Variants in PUS10 observed in about 807,000 individuals in gnomAD.
PUS10 encodes the protein pseudouridine synthase 10.
In PUS10, 59 loss-of-function variants were observed where a neutral mutation model predicts 75.0. The ratio of observed to expected loss-of-function variants is 0.79; its 90% CI spans 0.64 to 0.98. PUS10 has a LOEUF of 0.98. PUS10 is among the 50% of genes least tolerant of loss of function. The pLI is 0.00. For missense variants in PUS10, 650 were observed against 614.4 expected (o/e 1.06, Z -0.61); for synonymous variants, 219 against 211.6 (o/e 1.03, Z -0.30).
At chr2:60,973,144 G>A (rs576760879) in intron 4 of PUS10, among the ~76,000 whole-genome samples, 2 of 152,302 alleles carry the variant, frequency 1.3e-5, no homozygotes, top group African/African-American at 2.4e-5. Context: ...CCTCAACCTC[G>A]CTCCCCATCA....
intron 12 of PUS10, 129 bp from the exon 13 acceptor site, chr2:60,954,287 T>G (rs1010008678): frequency 2.7e-6 from 2 of 750,488 alleles, no homozygotes; most frequent in Non-Finnish European, 4.6e-6. Flanking sequence ...GTGACATGAC[T>G]ACATCTGAGG....
intron 4 of PUS10, among the ~76,000 whole-genome samples, chr2:60,984,159 A>G (rs1202917677): frequency 2.0e-5 from 3 of 152,242 alleles, no homozygotes; most frequent in Non-Finnish European, 4.4e-5. Context: ...TTAGAAATTT[A>G]TGTTTGTTAA....
intron 1 of PUS10, among the ~76,000 whole-genome samples, chr2:61,015,274 C>T (rs946835136): frequency 2.6e-5 from 4 of 152,040 alleles, no homozygotes; most frequent in African/African-American, 9.7e-5. Flanking sequence ...CCGAGGCAGG[C>T]ATTATCACTT....
In PUS10 at chr2:61,002,576, G is replaced by T. The variant is rs565459008; in HGVS notation, c.468+3981C>A. On this transcript the variant is annotated intron_variant, in intron 4 of 17. Transcript: ENST00000316752. ...GATCCTCCCACCTCAGTCTCCCAAG[G>T]AGCTGGGACCACAGGTACCACCATG... Among the ~76,000 whole-genome samples the T allele has an allele frequency of 2.0e-5, 3 of 152,200 alleles. No homozygotes were observed. The South Asian group carries it at 6.2e-4, about 32-fold the overall frequency.
chr2:60,978,388 C>T (rs1261844355), intron 4 of PUS10, among the ~76,000 whole-genome samples: 1 of 144,560 alleles, frequency 6.9e-6, no homozygotes, highest in Non-Finnish European at 1.5e-5. Context: ...CACCACTGTA[C>T]TCCAGCCTGG....
At chr2:60,996,127 G>A (rs760716167) in intron 4 of PUS10, among the ~76,000 whole-genome samples, 14 of 152,206 alleles carry the variant, frequency 9.2e-5, no homozygotes, top group Non-Finnish European at 1.8e-4. Context: ...CCTCCTCACA[G>A]GAATGTGATT....
At chr2:60,993,025 G>C (rs2104575903) in intron 4 of PUS10, among the ~76,000 whole-genome samples, 1 of 152,324 alleles carries the variant, frequency 6.6e-6, no homozygotes, top group East Asian at 1.9e-4. Flanking sequence ...CCTGGCTCTG[G>C]AGACTGCCAT....
chr2:60,948,322 G>T, intron 15 of PUS10, 137 bp from the exon 16 acceptor site: 1 of 795,076 alleles, frequency 1.3e-6, no homozygotes, highest in African/African-American at 1.7e-5. Context: ...TGTCCCCTTA[G>T]GTTCAAACTC....
chr2:61,013,227 T>A (rs1389099199), intron 1 of PUS10, among the ~76,000 whole-genome samples: 1 of 147,776 alleles, frequency 6.8e-6, no homozygotes, highest in East Asian at 2.0e-4. Context: ...TACTCCAACC[T>A]GGGTGACAGA....
intron 16 of PUS10, among the ~76,000 whole-genome samples, 163 bp downstream of exon 16, chr2:60,947,880 G>T (rs970971492): frequency 1.3e-5 from 2 of 150,878 alleles, no homozygotes; most frequent in Non-Finnish European, 3.0e-5. Context: ...AATTAAGTGG[G>T]AAAAAACCAC....
At chr2:61,012,027 C>CA in intron 1 of PUS10, 122 bp from the exon 2 acceptor site, 1 of 596,156 alleles carries the variant, frequency 1.7e-6, no homozygotes, top group East Asian at 3.3e-5. Context: ...ACTCTCTAAC[C>CA]AAGCCCCTTT....
chr2:60,972,587 C>G (rs529828335), intron 4 of PUS10, among the ~76,000 whole-genome samples: 1 of 152,310 alleles, frequency 6.6e-6, no homozygotes, highest in African/African-American at 2.4e-5. Flanking sequence ...AGAAAGGTAA[C>G]GATATGTCCC....
intron 1 of PUS10, chr2:61,017,677 G>A (rs1680091311): frequency 4.4e-6 from 5 of 1,137,320 alleles, no homozygotes; most frequent in Admixed American, 2.2e-5. Context: ...TGTTCTGCCC[G>A]TTGTGTCTTA....
intron 3 of PUS10, 151 bp from the exon 4 acceptor site, chr2:61,006,794 G>A: frequency 1.6e-6 from 1 of 615,076 alleles, no homozygotes; most frequent in Non-Finnish European, 2.8e-6. Flanking sequence ...CAAATATCTT[G>A]AGATTAAATA....
intron 12 of PUS10, 125 bp downstream of exon 12, chr2:60,954,893 C>A: frequency 1.9e-6 from 1 of 539,994 alleles, no homozygotes; most frequent in Non-Finnish European, 3.2e-6. Context: ...AAAGCTTCCT[C>A]CCTTGGAGAA....
chr2:60,978,966 C>T (rs530780798), intron 4 of PUS10, among the ~76,000 whole-genome samples: 1 of 152,226 alleles, frequency 6.6e-6, no homozygotes, highest in Admixed American at 6.5e-5. Flanking sequence ...TTGAATCTTA[C>T]ACATCTCTTG....
At chr2:60,945,139 A>C in intron 16 of PUS10, 31 bp from the exon 17 acceptor site, 1 of 1,366,596 alleles carries the variant, frequency 7.3e-7, no homozygotes, top group Non-Finnish European at 1.0e-6. Flanking sequence ...AAATGAAGAC[A>C]GCATGCTGTA....
At chr2:60,944,910 C>T (rs1674846904) in intron 17 of PUS10, 99 bp downstream of exon 17, 3 of 794,670 alleles carry the variant, frequency 3.8e-6, no homozygotes, top group Admixed American at 1.8e-5. Context: ...TTCTCAAATA[C>T]CTATGGAGGT....
chr2:60,965,170 A>G, intron 7 of PUS10, 67 bp from the exon 8 acceptor site: 1 of 1,465,540 alleles, frequency 6.8e-7, no homozygotes, highest in Non-Finnish European at 9.5e-7. Flanking sequence ...TAATTCAAAT[A>G]TATTTCATAC....
Sources: allele counts gnomAD v4.1 joint callset (sites outside exome capture counted in the v4.1 genomes callset), GRCh38; gene constraint gnomAD v4.1.1; transcripts MANE v1.5; gene names NCBI Gene and HGNC (gene_info 2026-07-23, HGNC 2026-07-21).